TRAPPC2L: variants seen among roughly 807,000 people sequenced by gnomAD.
The protein encoded by TRAPPC2L is trafficking protein particle complex subunit 2-like protein.
Under a neutral mutation model 13.2 loss-of-function variants are expected in TRAPPC2L, and 17 were observed. That is an observed-to-expected ratio of 1.29 (90% CI 0.88 to 1.93). The LOEUF is 1.93. Ranked by LOEUF, TRAPPC2L falls within the 30% of genes most tolerant of loss-of-function variation. TRAPPC2L has a pLI of 0.00. For missense variants in TRAPPC2L, 359 were observed against 252.1 expected (o/e 1.42, Z -2.87); for synonymous variants, 150 against 98.1 (o/e 1.53, Z -3.12).
At chr16:88,859,859 G>T in intron 3 of TRAPPC2L, 34 bp from the exon 4 acceptor site, 3 of 1,568,624 alleles carry the variant, frequency 1.9e-6, no homozygotes, top group Non-Finnish European at 2.6e-6. Flanking sequence ...CTGTGTGTAT[G>T]TGGCAAGGTC....
rs1968168625 is a variant in TRAPPC2L, at chr16:88,858,778, GAGGACTACAAGGTGTATCTTTC to G, written c.197_206+12del. 6.2e-7 allele frequency: 1 copy of G among 1,613,312 alleles called. No individual in the cohort carries two copies. The highest frequency in any genetic ancestry group is 8.5e-7 in the Non-Finnish European group (1 of 1,179,960). On this transcript the variant is annotated splice_donor_variant and splice_donor_5th_base_variant and coding_sequence_variant and intron_variant, in exon 2 of 4. Transcript: ENST00000565504. LOFTEE classifies it high-confidence loss of function. ...GTACCTGGGCCTGCTCTACCCCACG[GAGGACTACAAGGTGTATCTTTC>G]AGGGCAGGGTGTGTGTCAGGGAGGA...
chr16:88,861,048 G>A, exon 4 of TRAPPC2L: 9 of 1,316,854 alleles, frequency 6.8e-6, no homozygotes, highest in Non-Finnish European at 9.5e-6. Flanking sequence ...TCCTGAATGG[G>A]ACGCCTGGGG....
exon 4 of TRAPPC2L, chr16:88,860,796 C>A: frequency 8.6e-7 from 1 of 1,159,766 alleles, no homozygotes; most frequent in Non-Finnish European, 1.2e-6. Context: ...GTTCACATTT[C>A]TGGACCCTGG....
At chr16:88,861,088 C>T (rs1392848066) in exon 4 of TRAPPC2L, 1 of 871,014 alleles carries the variant, frequency 1.1e-6, no homozygotes, top group Non-Finnish European at 1.8e-6. Flanking sequence ...TGCATGTTCT[C>T]TCAACTAAAG....
intron 1 of TRAPPC2L, chr16:88,857,544 C>G: frequency 3.3e-6 from 1 of 304,848 alleles, no homozygotes. Context: ...CGGCCCCGGC[C>G]CTCCTGCCAG....
chr16:88,856,500 T>C (rs1037586490), upstream of TRAPPC2L: 2 of 697,982 alleles, frequency 2.9e-6, no homozygotes, highest in South Asian at 3.0e-5. Context: ...GCAGCGCGTG[T>C]GGTGATCGGT....
upstream of TRAPPC2L, chr16:88,856,732 T>TA: frequency 1.7e-6 from 1 of 598,870 alleles, no homozygotes; most frequent in South Asian, 1.7e-5. Flanking sequence ...ACCCCGGCCC[T>TA]GCCCCGTCCC....
chr16:88,857,187 C>T lies in TRAPPC2L; in HGVS notation c.33+4C>T, dbSNP rs755473164. On this transcript the variant is annotated splice_donor_region_variant and intron_variant, in intron 1 of 3. Coordinates refer to ENST00000565504, the Ensembl canonical transcript of TRAPPC2L. ...CATCGCGGTGATTGCCAAGGAGGTG[C>T]GTACGCGCGGCGTGGGGCGTCCGGG... 77 of 1,573,052 alleles carry T rather than the reference C, an allele frequency of 4.9e-5. No individual in the cohort carries two copies. The Admixed American group carries it at 8.8e-4, about 18-fold the overall frequency.
chr16:88,857,834 A>G (rs1968065298), intron 1 of TRAPPC2L, among the ~76,000 whole-genome samples: 1 of 152,200 alleles, frequency 6.6e-6, no homozygotes, highest in African/African-American at 2.4e-5. Context: ...GCATTTTCTG[A>G]AGGCTAAGAC....
exon 4 of TRAPPC2L, chr16:88,861,630 TTGA>T (rs1355253195): frequency 2.0e-6 from 1 of 496,432 alleles, no homozygotes; most frequent in Admixed American, 2.2e-5. Flanking sequence ...GCTGTGTCAC[TTGA>T]TGACGTGGCT....
At chr16:88,859,587 C>G (rs1457531684) in intron 2 of TRAPPC2L, 76 bp from the exon 3 acceptor site, 4 of 1,408,410 alleles carry the variant, frequency 2.8e-6, no homozygotes, top group Non-Finnish European at 4.0e-6. Context: ...CCACATTTCT[C>G]CAAAGTGAGG....
chr16:88,856,832 C>T (rs577397719), upstream of TRAPPC2L: 1 of 1,523,340 alleles, frequency 6.6e-7, no homozygotes, highest in Non-Finnish European at 8.7e-7. Context: ...GCGCTGAGCA[C>T]CAGCAACAGC....
At chr16:88,858,920 A>T (rs1315831122) in intron 2 of TRAPPC2L, 129 bp downstream of exon 2, 5 of 1,003,644 alleles carry the variant, frequency 5.0e-6, no homozygotes, top group Non-Finnish European at 7.2e-6. Context: ...GAATTAGGGT[A>T]GCTTGAGGTG....
intron 1 of TRAPPC2L, among the ~76,000 whole-genome samples, chr16:88,857,746 C>T (rs1450700388): frequency 1.3e-5 from 2 of 152,254 alleles, no homozygotes; most frequent in African/African-American, 4.8e-5. Flanking sequence ...TGCCCTCTCA[C>T]CTGTGGGCCT....
chr16:88,858,953 C>T, intron 2 of TRAPPC2L, 162 bp downstream of exon 2: 1 of 710,806 alleles, frequency 1.4e-6, no homozygotes, highest in Non-Finnish European at 2.3e-6. Flanking sequence ...TAACTCTTCT[C>T]TTTCATTGGA....
Position 88,860,844 on chromosome 16 carries a change from C to CCCGG in TRAPPC2L, c.*523_*526dup, listed in dbSNP as rs1422371264. ...GCATCCTGTGGATGGAGCCATGCTGCCCGGCCCGTCTCTGAGCAGAGGGGT... is the reference window on the plus strand; with the variant it reads ...GCATCCTGTGGATGGAGCCATGCTGCCCGGCCGGCCCGTCTCTGAGCAGAGGGGT... On this transcript the variant is annotated 3_prime_UTR_variant, in exon 4 of 4. Transcript: ENST00000565504. 2.0e-6 allele frequency: 3 copies of CCCGG among 1,514,836 alleles called. No homozygotes were observed. In the African/African-American group the frequency reaches 4.1e-5, roughly 21 times the overall value. 93.8% of individuals were successfully genotyped at this position (1,514,836 alleles called of 1,614,324 possible). A position where few individuals can be genotyped will look rare whatever the true frequency, so the allele number is the denominator to read the frequency against.
chr16:88,861,340 G>T, exon 4 of TRAPPC2L: 1 of 362,392 alleles, frequency 2.8e-6, no homozygotes, highest in Non-Finnish European at 5.3e-6. Flanking sequence ...CTGGTCTGGA[G>T]GGGGTGGCCT....
chr16:88,856,241 C>T, upstream of TRAPPC2L: 5 of 703,050 alleles, frequency 7.1e-6, no homozygotes, highest in Non-Finnish European at 1.3e-5. Context: ...CAGAGACAGC[C>T]GTCAGGTAAG....
exon 4 of TRAPPC2L, chr16:88,861,557 C>G: frequency 4.3e-6 from 2 of 461,502 alleles, no homozygotes; most frequent in Non-Finnish European, 9.0e-6. Flanking sequence ...AGCCCTGGTC[C>G]TAAACCTTGG....
Sources: allele counts gnomAD v4.1 joint callset (sites outside exome capture counted in the v4.1 genomes callset), GRCh38; gene constraint gnomAD v4.1.1; transcripts MANE v1.5; gene names NCBI Gene and HGNC (gene_info 2026-07-23, HGNC 2026-07-21).